The following ATCAY variants were observed in gnomAD, a reference collection of about 807,000 sequenced individuals.
The protein encoded by ATCAY is ATCAY kinesin light chain interacting caytaxin.
ATCAY carries 22 observed loss-of-function variants against 47.7 expected under a neutral mutation model. That is an observed-to-expected ratio of 0.46 (90% CI 0.33 to 0.66). The LOEUF is 0.66. Ranked by LOEUF, ATCAY falls within the 30% of genes least tolerant of loss-of-function variation. The pLI is 0.02. For missense variants in ATCAY, 452 were observed against 515.0 expected (o/e 0.88, Z 1.18); for synonymous variants, 216 against 207.6 (o/e 1.04, Z -0.35).
chr19:3,922,058 G>A, intron 12 of ATCAY: 1 of 671,442 alleles, frequency 1.5e-6, no homozygotes, highest in Non-Finnish European at 2.7e-6. Flanking sequence ...AACACACAAA[G>A]TGCTGCCAAC....
At chr19:3,910,133 C>T (rs2038911036) in intron 7 of ATCAY, among the ~76,000 whole-genome samples, 1 of 151,984 alleles carries the variant, frequency 6.6e-6, no homozygotes, top group South Asian at 2.1e-4. Context: ...GCTCCGGCAC[C>T]CCCCATCCTA....
At position 3,902,720 on chromosome 19, in the gene ATCAY, C is replaced by T. The variant is rs570593522; in HGVS notation, c.136+175C>T. Among the ~76,000 whole-genome samples, 5 of 152,206 alleles carry T rather than the reference C, an allele frequency of 3.3e-5. No individual in the cohort carries two copies. The South Asian group carries it at 8.3e-4, about 25-fold the overall frequency. On this transcript the variant is annotated intron_variant, in intron 3 of 12. Transcript: ENST00000450849. ...GGGTGAGAGACACAATGGATGATGG[C>T]GCTCTCATGAAGCCAGCACGCTGTG...
At chr19:3,920,651 G>A (rs556751420) in intron 11 of ATCAY, 115 bp from the exon 12 acceptor site, 1 of 904,052 alleles carries the variant, frequency 1.1e-6, no homozygotes, top group African/African-American at 1.8e-5. Context: ...CCAAGACCCT[G>A]TATCTTAATA....
At chr19:3,916,634 C>T (rs1021260767) in intron 9 of ATCAY, among the ~76,000 whole-genome samples, 2 of 152,058 alleles carry the variant, frequency 1.3e-5, no homozygotes, top group African/African-American at 2.4e-5. Context: ...GCTGGGACTA[C>T]AGGCGCCCAC....
intron 2 of ATCAY, among the ~76,000 whole-genome samples, chr19:3,889,086 A>G (rs2038690747): frequency 6.6e-6 from 1 of 152,152 alleles, no homozygotes; most frequent in South Asian, 2.1e-4. Flanking sequence ...CCTGGGCAAC[A>G]TAGCAAGACC....
In ATCAY at chr19:3,927,239, A is replaced by G. The variant is rs112635884; in HGVS notation, c.*2647A>G. Reference sequence around the variant, plus strand: ...GACTCAAAAGAAAAAAAATGACAGAAGCCTGATTATCAGACTGCCCGGAGG... The same window carrying G: ...GACTCAAAAGAAAAAAAATGACAGAGGCCTGATTATCAGACTGCCCGGAGG... On this transcript the variant is annotated 3_prime_UTR_variant, in exon 13 of 13. Transcript: ENST00000450849. The G allele has an allele frequency of 1.3e-5, 2 of 152,152 alleles. No individual in the cohort carries two copies. The highest frequency in any genetic ancestry group is 2.9e-5 in the Non-Finnish European group (2 of 68,042). The allele number at this position is 152,152 out of a possible 1,614,324, so 9.4% of individuals were successfully genotyped here.
chr19:3,908,241 C>A, intron 5 of ATCAY, 27 bp from the exon 6 acceptor site: 1 of 1,542,024 alleles, frequency 6.5e-7, no homozygotes, highest in Non-Finnish European at 8.8e-7. Context: ...AGGACTCTGA[C>A]GTTGCCGATC....
rs2039068345 is a variant in ATCAY at position 3,926,552 on chromosome 19, G to T, written c.*1960G>T. On this transcript the variant is annotated 3_prime_UTR_variant, in exon 13 of 13. Transcript: ENST00000450849. ...GTCCAGTGCATCTTGACCTGAGACA[G>T]CAAGGAATTGCATTTGGGGTTATTC... 1 of 152,254 alleles carries T rather than the reference G, an allele frequency of 6.6e-6. No individual in the cohort carries two copies. The highest frequency in any genetic ancestry group is 1.5e-5 in the Non-Finnish European group (1 of 68,062). 9.4% of individuals were successfully genotyped at this position (152,254 alleles called of 1,614,324 possible).
intron 2 of ATCAY, among the ~76,000 whole-genome samples, chr19:3,889,831 T>C (rs917887980): frequency 2.0e-5 from 3 of 152,158 alleles, no homozygotes; most frequent in African/African-American, 4.8e-5. Context: ...ACAGCCGAGA[T>C]GGGCTGTGCA....
Position 3,907,513 on chromosome 19 carries a change from G to A in ATCAY, c.359-221G>A, listed in dbSNP as rs1327241847. ...GAGTGCCCTGGGAGGCCAGCAAAGGGAATGTCCAGAAAGGCTTCCTGGAGG... is the reference window on the plus strand; with the variant it reads ...GAGTGCCCTGGGAGGCCAGCAAAGGAAATGTCCAGAAAGGCTTCCTGGAGG... On this transcript the variant is annotated intron_variant, in intron 4 of 12. Coordinates refer to ENST00000450849, the MANE Select transcript of ATCAY (RefSeq NM_033064.5). This position sits in a 1 kb window ranked among gnomAD's most constrained non-coding sequence, Gnocchi z 5.1. Among the ~76,000 whole-genome samples the A allele has an allele frequency of 6.6e-6, 1 of 152,250 alleles. No individual in the cohort carries two copies. The highest frequency in any genetic ancestry group is 1.5e-5 in the Non-Finnish European group (1 of 68,042).
At chr19:3,901,067 A>T (rs1187879569) in intron 2 of ATCAY, among the ~76,000 whole-genome samples, 1 of 150,864 alleles carries the variant, frequency 6.6e-6, no homozygotes, top group Non-Finnish European at 1.5e-5. Flanking sequence ...ACGCCCCGCT[A>T]TTTTTTTTGT....
At chr19:3,912,817 C>A (rs189697366) in intron 8 of ATCAY, among the ~76,000 whole-genome samples, 1 of 151,532 alleles carries the variant, frequency 6.6e-6, no homozygotes, top group East Asian at 2.0e-4. Context: ...CCCAGGAGGT[C>A]GAGGCTGTAG....
intron 1 of ATCAY, among the ~76,000 whole-genome samples, chr19:3,882,526 T>G (rs571307567): frequency 2.2e-4 from 34 of 151,280 alleles, no homozygotes; most frequent in Admixed American, 8.6e-4. Flanking sequence ...AGATGGGGAC[T>G]TGCTATGTTG....
intron 2 of ATCAY, among the ~76,000 whole-genome samples, chr19:3,888,851 C>T (rs992328602): frequency 5.3e-5 from 8 of 152,172 alleles, no homozygotes; most frequent in East Asian, 1.9e-4. Flanking sequence ...CTGTTGAAGA[C>T]GGCATCTTGA....
intron 11 of ATCAY, 82 bp downstream of exon 11, chr19:3,918,959 A>T (rs145032025): frequency 3.9e-6 from 6 of 1,526,404 alleles, no homozygotes; most frequent in Non-Finnish European, 4.5e-6. Flanking sequence ...AGAGAGGAAG[A>T]TGGGTCCTTG....
chr19:3,882,138 A>G (rs2038607678), intron 1 of ATCAY, among the ~76,000 whole-genome samples: 1 of 151,598 alleles, frequency 6.6e-6, no homozygotes, highest in Admixed American at 6.6e-5. Flanking sequence ...CAGGTAACCT[A>G]CTCCACAGAG....
chr19:3,885,702 C>A (rs1426361581), intron 1 of ATCAY, 25 bp from the exon 2 acceptor site: 15 of 1,411,670 alleles, frequency 1.1e-5, no homozygotes, highest in Non-Finnish European at 1.5e-5. Context: ...CCAGTAAAAC[C>A]CATTCCTCTG....
At chr19:3,920,039 A>T (rs1325908420) in intron 11 of ATCAY, among the ~76,000 whole-genome samples, 2 of 152,226 alleles carry the variant, frequency 1.3e-5, no homozygotes, top group African/African-American at 2.4e-5. Flanking sequence ...TACAGCCTCC[A>T]CGAACAGGTA....
intron 7 of ATCAY, among the ~76,000 whole-genome samples, chr19:3,910,095 ACACT>A (rs2038910672): frequency 6.6e-6 from 1 of 152,038 alleles, no homozygotes; most frequent in South Asian, 2.1e-4. Context: ...TCCCCATGAA[ACACT>A]CACTCCCTAT....
Sources: allele counts gnomAD v4.1 joint callset (sites outside exome capture counted in the v4.1 genomes callset), GRCh38; gene constraint gnomAD v4.1.1; non-coding constraint Gnocchi (gnomAD v3.1); transcripts MANE v1.5; gene names NCBI Gene and HGNC (gene_info 2026-07-23, HGNC 2026-07-21).